ZNF75D: variants seen among roughly 807,000 people sequenced by gnomAD.
ZNF75D encodes zinc finger protein 75D.
ZNF75D carries 33 observed loss-of-function variants against 33.3 expected under a neutral mutation model. The ratio of observed to expected loss-of-function variants is 0.99; its 90% CI spans 0.75 to 1.32. The LOEUF (loss-of-function observed/expected upper bound fraction) is 1.32, where lower values mean the gene tolerates loss of function less well. Ranked by LOEUF, ZNF75D falls within the 40% of genes most tolerant of loss-of-function variation. ZNF75D has a pLI of 0.00. For missense variants in ZNF75D, 338 were observed against 367.5 expected (o/e 0.92, Z 0.66); for synonymous variants, 113 against 130.6 (o/e 0.87, Z 0.92).
chrX:135,258,145 T>C (rs782440688), intron 1 of ZNF75D, among the ~76,000 whole-genome samples: 1 of 99,120 alleles, frequency 1.0e-5, no homozygotes, highest in South Asian at 4.0e-4. Context: ...CATGAACTCA[T>C]CATTTTTTAT....
downstream of ZNF75D, among the ~76,000 whole-genome samples, chrX:135,283,792 C>T (rs187094523): frequency 1.8e-5 from 2 of 111,413 alleles, no homozygotes; most frequent in East Asian, 5.7e-4. Flanking sequence ...AGAAGGAACC[C>T]AAAAAGGCCC....
intron 1 of ZNF75D, among the ~76,000 whole-genome samples, chrX:135,299,539 T>C (rs782724341): frequency 4.4e-4 from 49 of 112,385 alleles, no homozygotes; most frequent in Non-Finnish European, 7.7e-4. Context: ...GCCAGACATA[T>C]AATTTGCACA....
chrX:135,263,781 C>T (rs963629866), intron 1 of ZNF75D, among the ~76,000 whole-genome samples: 1 of 112,664 alleles, frequency 8.9e-6, no homozygotes, highest in Admixed American at 9.3e-5. Context: ...CTGGGTGAGG[C>T]GACACCCCGC....
intron 1 of ZNF75D, among the ~76,000 whole-genome samples, chrX:135,305,337 G>A (rs2084272397): frequency 9.0e-6 from 1 of 111,298 alleles, no homozygotes; most frequent in Admixed American, 9.6e-5. Flanking sequence ...TGTGCCTCAG[G>A]GTCTATTTTT....
At chrX:135,320,554 T>C (rs1556433882) in intron 1 of ZNF75D, among the ~76,000 whole-genome samples, 1 of 111,804 alleles carries the variant, frequency 8.9e-6, no homozygotes, top group Non-Finnish European at 1.9e-5. Context: ...TGTATATACA[T>C]GATACTGACA....
intron 1 of ZNF75D, among the ~76,000 whole-genome samples, chrX:135,264,516 A>G (rs988572411): frequency 8.9e-6 from 1 of 111,963 alleles, no homozygotes; most frequent in Admixed American, 9.5e-5. Flanking sequence ...ACCATCCAGA[A>G]AAACAAGACC....
chrX:135,292,309 G>T lies in ZNF75D; in HGVS notation c.576C>A (p.His192Gln), dbSNP rs1365884621. 8.3e-7 allele frequency: 1 copy of T among 1,209,332 alleles called. No homozygotes were observed. The highest frequency in any genetic ancestry group is 1.1e-6 in the Non-Finnish European group (1 of 894,848). The change falls in exon 4 of 7, where the codon CAC becomes CAA. Residue 192 changes from histidine to glutamine, a missense_variant. This residue lies in a region of ZNF75D where 254 missense variants were observed against 267.7 expected (regional missense o/e 0.95). Coordinates refer to ENST00000370766, the MANE Select transcript of ZNF75D (RefSeq NM_007131.5). ...VLQEQLGWNT[H>Q]KETQPVYERA... Reference sequence around the variant, plus strand: ...TTTCATATACAGGCTGGGTTTCTTTGTGAGTGTTCCAGCCCAGCTGTTCTT... The same window carrying T: ...TTTCATATACAGGCTGGGTTTCTTTTTGAGTGTTCCAGCCCAGCTGTTCTT...
At chrX:135,313,507 T>C (rs1396978742) in intron 1 of ZNF75D, among the ~76,000 whole-genome samples, 1 of 111,856 alleles carries the variant, frequency 8.9e-6, no homozygotes, top group Non-Finnish European at 1.9e-5. Context: ...AATTTTAGGA[T>C]AATTTTTTCT....
intron 1 of ZNF75D, among the ~76,000 whole-genome samples, chrX:135,336,819 T>C (rs951988717): frequency 3.6e-5 from 4 of 112,447 alleles, no homozygotes; most frequent in African/African-American, 6.5e-5. Context: ...ACAGGAGCCT[T>C]TGTTCGGGGA....
At chrX:135,301,309 G>A (rs902937108) in intron 1 of ZNF75D, among the ~76,000 whole-genome samples, 8 of 111,114 alleles carry the variant, frequency 7.2e-5, no homozygotes, top group African/African-American at 2.3e-4. Flanking sequence ...TGAGATTTGG[G>A]TGGGAACACA....
intron 1 of ZNF75D, among the ~76,000 whole-genome samples, chrX:135,266,693 A>G (rs932942471): frequency 1.8e-5 from 2 of 112,296 alleles, no homozygotes; most frequent in Non-Finnish European, 3.8e-5. Context: ...AGACTTCAAC[A>G]TCCCAACTTC....
chrX:135,288,824 C>G (rs1191783546), intron 6 of ZNF75D, among the ~76,000 whole-genome samples: 1 of 112,631 alleles, frequency 8.9e-6, no homozygotes, highest in Non-Finnish European at 1.9e-5. Flanking sequence ...AAAATTGTGA[C>G]TCTGATTCAC....
At chrX:135,271,058 A>G (rs782614658) in intron 1 of ZNF75D, among the ~76,000 whole-genome samples, 2 of 111,690 alleles carry the variant, frequency 1.8e-5, no homozygotes, top group Non-Finnish European at 3.8e-5. Flanking sequence ...CTTGAGTTAT[A>G]TCCTATAGAA....
intron 1 of ZNF75D, among the ~76,000 whole-genome samples, chrX:135,326,888 C>T (rs1049790017): frequency 1.2e-4 from 14 of 112,058 alleles, no homozygotes; most frequent in Middle Eastern, 4.2e-3. Flanking sequence ...AAACTCCAGA[C>T]GCGCCACCTT....
chrX:135,292,523 G>A, intron 3 of ZNF75D, 50 bp from the exon 4 acceptor site: 1 of 1,118,674 alleles, frequency 8.9e-7, no homozygotes, highest in African/African-American at 1.8e-5. Flanking sequence ...TTTGGTTTTG[G>A]GGTGGTAGTG....
intron 1 of ZNF75D, among the ~76,000 whole-genome samples, chrX:135,335,292 GGA>G (rs1271803048): frequency 9.0e-6 from 1 of 110,847 alleles, no homozygotes; most frequent in Non-Finnish European, 1.9e-5. Context: ...TAAGTTCGAT[GGA>G]GAGTACTGAC....
At chrX:135,307,947 G>C (rs147846377) in intron 1 of ZNF75D, among the ~76,000 whole-genome samples, 119 of 112,029 alleles carry the variant, frequency 1.1e-3, no homozygotes, top group African/African-American at 3.6e-3. Context: ...AGATGCAGTG[G>C]GTGCTGTAAT....
intron 1 of ZNF75D, among the ~76,000 whole-genome samples, chrX:135,307,489 T>A (rs1240300380): frequency 8.9e-6 from 1 of 111,736 alleles, no homozygotes; most frequent in Non-Finnish European, 1.9e-5. Context: ...AAAATCCATG[T>A]CCTGCATATA....
At chrX:135,258,688 G>C (rs926571899) in intron 1 of ZNF75D, among the ~76,000 whole-genome samples, 2 of 111,721 alleles carry the variant, frequency 1.8e-5, no homozygotes, top group Middle Eastern at 4.2e-3. Context: ...GTAGATTCTG[G>C]ATATTAGCCC....
Sources: allele counts gnomAD v4.1 joint callset (sites outside exome capture counted in the v4.1 genomes callset), GRCh38; gene constraint gnomAD v4.1.1; regional missense constraint gnomAD v4.1.1; transcripts MANE v1.5; gene names NCBI Gene and HGNC (gene_info 2026-07-23, HGNC 2026-07-21).